The following PTPN12 variants were observed in gnomAD, a reference collection of about 807,000 sequenced individuals.
The protein encoded by PTPN12 is protein tyrosine phosphatase non-receptor type 12.
Under a neutral mutation model 97.6 loss-of-function variants are expected in PTPN12, and 29 were observed. The ratio of observed to expected loss-of-function variants is 0.30; its 90% CI spans 0.22 to 0.41. PTPN12 has a LOEUF of 0.41. Ranked by LOEUF, PTPN12 falls within the 10% of genes least tolerant of loss-of-function variation. The probability of loss-of-function intolerance (pLI) is 1.00; values close to 1 mark genes in which losing one functional copy is unlikely to be tolerated. For synonymous variants in PTPN12, 327 were observed against 300.4 expected, an observed-to-expected ratio of 1.09 and a Z score of -0.91; for missense variants, 819 against 926.0, an observed-to-expected ratio of 0.88 and a Z score of 1.50.
intron 9 of PTPN12, among the ~76,000 whole-genome samples, chr7:77,609,375 G>T (rs926717473): frequency 4.0e-5 from 6 of 148,298 alleles, no homozygotes; most frequent in African/African-American, 1.5e-4. Context: ...AGGTTCAAGC[G>T]ATTCTCCTGC....
chr7:77,553,216 T>A (rs1229039099), intron 1 of PTPN12, among the ~76,000 whole-genome samples: 1 of 152,212 alleles, frequency 6.6e-6, no homozygotes, highest in Non-Finnish European at 1.5e-5. Flanking sequence ...ATTTGGTCTG[T>A]CTTGTTGAAT....
chr7:77,579,177 A>G (rs1324648626), intron 2 of PTPN12, among the ~76,000 whole-genome samples: 1 of 152,184 alleles, frequency 6.6e-6, no homozygotes, highest in Non-Finnish European at 1.5e-5. Context: ...GCTGGAGTGC[A>G]GTGGCGCGAT....
chr7:77,607,171 C>A, intron 8 of PTPN12, 64 bp from the exon 9 acceptor site: 1 of 1,257,872 alleles, frequency 7.9e-7, no homozygotes, highest in Non-Finnish European at 1.1e-6. Context: ...ACATGTCTAT[C>A]CACATTTATT....
chr7:77,550,437 C>T (rs977818200), intron 1 of PTPN12, among the ~76,000 whole-genome samples: 15 of 151,972 alleles, frequency 9.9e-5, no homozygotes, highest in African/African-American at 3.4e-4. Context: ...AACATAAACT[C>T]CATCAGTTTA....
intron 5 of PTPN12, among the ~76,000 whole-genome samples, chr7:77,591,711 T>C (rs1484436811): frequency 6.6e-6 from 1 of 152,200 alleles, no homozygotes; most frequent in Non-Finnish European, 1.5e-5. Flanking sequence ...AGGAGTAGAA[T>C]TAGTACTTGC....
intron 11 of PTPN12, among the ~76,000 whole-genome samples, chr7:77,613,321 C>A (rs1180036454): frequency 6.7e-6 from 1 of 150,328 alleles, no homozygotes; most frequent in African/African-American, 2.4e-5. Flanking sequence ...ATTACAGGCG[C>A]CCACCACCAT....
At chr7:77,543,548 A>T (rs188829771) in intron 1 of PTPN12, among the ~76,000 whole-genome samples, 1 of 152,304 alleles carries the variant, frequency 6.6e-6, no homozygotes, top group African/African-American at 2.4e-5. Context: ...TACCTACCAT[A>T]AGATTTATTC....
chr7:77,554,510 T>C (rs1361344019), intron 1 of PTPN12, among the ~76,000 whole-genome samples: 1 of 152,208 alleles, frequency 6.6e-6, no homozygotes, highest in Non-Finnish European at 1.5e-5. Context: ...ACGTATCAGA[T>C]CAATTAATAA....
chr7:77,584,893 A>T (rs888618920), intron 4 of PTPN12, among the ~76,000 whole-genome samples: 2 of 151,910 alleles, frequency 1.3e-5, no homozygotes, highest in African/African-American at 4.8e-5. Flanking sequence ...AAAAAAAAAA[A>T]TTTATTGTGT....
chr7:77,560,446 G>A (rs1456664801), intron 1 of PTPN12, among the ~76,000 whole-genome samples: 1 of 152,030 alleles, frequency 6.6e-6, no homozygotes, highest in Non-Finnish European at 1.5e-5. Flanking sequence ...CAGTTCAATA[G>A]CGTTAAGTAC....
chr7:77,618,912 A>G (rs1474918786), intron 12 of PTPN12, among the ~76,000 whole-genome samples: 1 of 152,156 alleles, frequency 6.6e-6, no homozygotes, highest in African/African-American at 2.4e-5. Flanking sequence ...TGCATGTTGA[A>G]GTGTGAGGAT....
chr7:77,639,200 T>G lies in PTPN12; in HGVS notation c.2282-19T>G, dbSNP rs764168684. The G allele has an allele frequency of 1.3e-5, 20 of 1,595,182 alleles. No individual in the cohort carries two copies. Among genetic ancestry groups the G allele is most frequent in the Non-Finnish European group, 1.6e-5 (19 of 1,164,564 alleles). ...GTATTTCTGAACACTGACTAGTTAT[T>G]GTGGTGTTTTCACTGTAGGTTTTGG... On this transcript the variant is annotated intron_variant, in intron 17 of 17. Coordinates refer to ENST00000248594, the MANE Select transcript of PTPN12 (RefSeq NM_002835.4).
chr7:77,606,880 C>T lies in PTPN12; in HGVS notation c.696-355C>T, dbSNP rs1024724. ...TTATGTTCACATGACCCTTATTTTA[C>T]TTATAATGGCCCAAACCTCAACAGT... On this transcript the variant is annotated intron_variant, in intron 8 of 17. Transcript: ENST00000248594. 2.9e-3 allele frequency: 492 copies of T among 172,222 alleles called. 14 individuals carry two copies. The highest frequency in any genetic ancestry group is 0.025 in the Admixed American group (427 of 17,088). 10.7% of individuals were successfully genotyped at this position (172,222 alleles called of 1,614,324 possible).
At chr7:77,616,345 T>C (rs1489870555) in intron 11 of PTPN12, among the ~76,000 whole-genome samples, 5 of 152,200 alleles carry the variant, frequency 3.3e-5, no homozygotes, top group African/African-American at 7.2e-5. Context: ...GGGGCTGTAG[T>C]ATTACCCTTC....
At chr7:77,553,350 C>T (rs1328055743) in intron 1 of PTPN12, among the ~76,000 whole-genome samples, 1 of 152,178 alleles carries the variant, frequency 6.6e-6, no homozygotes, top group Non-Finnish European at 1.5e-5. Flanking sequence ...TTACTCATTT[C>T]CTGCTTGCTT....
intron 5 of PTPN12, among the ~76,000 whole-genome samples, chr7:77,588,744 G>T (rs190250681): frequency 1.3e-5 from 2 of 152,244 alleles, no homozygotes; most frequent in African/African-American, 4.8e-5. Flanking sequence ...ATTCAGTGGT[G>T]TTGTAACTAG....
intron 1 of PTPN12, chr7:77,537,921 G>T (rs553033782): frequency 1.6e-6 from 1 of 612,670 alleles, no homozygotes; most frequent in African/African-American, 2.0e-5. Flanking sequence ...CTGCACCGTG[G>T]CTCGCGACCA....
rs374744993 is a variant in PTPN12, at chr7:77,631,285, A to G, written c.1997-1063A>G. Among the ~76,000 whole-genome samples the G allele has an allele frequency of 4.9e-4, 75 of 152,260 alleles. 1 individual carries two copies. In the South Asian group the frequency reaches 1.0e-2, roughly 20 times the overall value. ...TCTTTCAGGAGGACCCAGAAGCTGT[A>G]TTTTCTTGCGTCTCCAGCTAAATAA... is the stretch of plus-strand genomic sequence containing the variant. On this transcript the variant is annotated intron_variant, in intron 13 of 17. Coordinates refer to ENST00000248594, the MANE Select transcript of PTPN12 (RefSeq NM_002835.4).
rs1422629768 is a variant in PTPN12, at chr7:77,580,821, A to AT, written c.209-600dup. ...GTTTCTTGTGAAATATGAAAGTTAC[A>AT]TTTTTTAAATAAGAATTTTAGCATA... On this transcript the variant is annotated intron_variant, in intron 2 of 17. Coordinates refer to ENST00000248594, the MANE Select transcript of PTPN12 (RefSeq NM_002835.4). Among the ~76,000 whole-genome samples, 6 of 152,236 alleles carry AT rather than the reference A, an allele frequency of 3.9e-5. No individual in the cohort carries two copies. The East Asian group carries it at 9.6e-4, about 24-fold the overall frequency.
Sources: allele counts gnomAD v4.1 joint callset (sites outside exome capture counted in the v4.1 genomes callset), GRCh38; gene constraint gnomAD v4.1.1; transcripts MANE v1.5; gene names NCBI Gene and HGNC (gene_info 2026-07-23, HGNC 2026-07-21).